The following EPC2 variants were observed in gnomAD, a reference collection of about 807,000 sequenced individuals.
EPC2 encodes enhancer of polycomb 2.
A neutral mutation model predicts 92.1 loss-of-function variants in EPC2; 14 were observed. The ratio of observed to expected loss-of-function variants is 0.15; its 90% CI spans 0.10 to 0.24. The LOEUF (loss-of-function observed/expected upper bound fraction) is 0.24, where lower values mean the gene tolerates loss of function less well. EPC2 is among the 10% of genes least tolerant of loss of function. The probability of loss-of-function intolerance (pLI) is 1.00; values close to 1 mark genes in which losing one functional copy is unlikely to be tolerated. For missense variants in EPC2, 755 were observed against 971.5 expected (o/e 0.78, Z 2.96); for synonymous variants, 340 against 334.7 (o/e 1.02, Z -0.17).
At chr2:148,727,117 A>G (rs948057963) in intron 2 of EPC2, among the ~76,000 whole-genome samples, 2 of 152,156 alleles carry the variant, frequency 1.3e-5, no homozygotes, top group Non-Finnish European at 1.5e-5. Context: ...TATATGCTAT[A>G]AGGTAAGGAT....
chr2:148,741,557 C>T (rs1341658022), intron 2 of EPC2, among the ~76,000 whole-genome samples: 1 of 151,996 alleles, frequency 6.6e-6, no homozygotes, highest in East Asian at 1.9e-4. Flanking sequence ...TTGTTAGTAC[C>T]TTTAAGAAAG....
chr2:148,678,473 C>G (rs941501864), intron 1 of EPC2, among the ~76,000 whole-genome samples: 1 of 152,234 alleles, frequency 6.6e-6, no homozygotes, highest in East Asian at 1.9e-4. Flanking sequence ...TGAGGAGGCT[C>G]GGGCTGCGCA....
At chr2:148,728,465 T>C (rs1208066009) in intron 2 of EPC2, among the ~76,000 whole-genome samples, 2 of 152,104 alleles carry the variant, frequency 1.3e-5, no homozygotes, top group Non-Finnish European at 2.9e-5. Flanking sequence ...AACTTAAGGC[T>C]GGGCACATTG....
intron 2 of EPC2, among the ~76,000 whole-genome samples, chr2:148,715,143 C>T (rs1682232426): frequency 6.7e-6 from 1 of 149,542 alleles, no homozygotes; most frequent in Admixed American, 6.7e-5. Context: ...ACACCATTTT[C>T]CTGCCTCAGC....
rs1683129187 is a variant in EPC2, at chr2:148,754,030, C to T, written c.563C>T (p.Pro188Leu). Residue 188 changes from proline (P) to leucine (L), a missense_variant, in exon 4 of 14, where the codon CCA becomes CTA. Physicochemically the swap from Pro to Leu is moderately conservative, Grantham distance 98. Transcript: ENST00000258484. ...WVRKRKNCRG[P>L]SLIPQIKQEK... ...AGAAAACGTAAAAACTGCAGGGGGC[C>T]ATCCCTCATTCCTCAGATAAAACAA... 1.2e-6 allele frequency: 2 copies of T among 1,611,540 alleles called. No homozygotes were observed. Among genetic ancestry groups the T allele is most frequent in the Non-Finnish European group, 1.7e-6 (2 of 1,178,792 alleles).
chr2:148,771,472 T>C, intron 10 of EPC2, 85 bp downstream of exon 10: 4 of 1,296,186 alleles, frequency 3.1e-6, no homozygotes, highest in Non-Finnish European at 4.3e-6. Flanking sequence ...TTAACCTACT[T>C]AATTTTTTTT....
At chr2:148,652,104 T>C (rs1680699471) in intron 1 of EPC2, among the ~76,000 whole-genome samples, 1 of 152,186 alleles carries the variant, frequency 6.6e-6, no homozygotes, top group Non-Finnish European at 1.5e-5. Flanking sequence ...TAGAGAGCGT[T>C]ATTGGTCTGG....
chr2:148,655,111 C>G (rs756800053), intron 1 of EPC2, among the ~76,000 whole-genome samples: 60 of 152,124 alleles, frequency 3.9e-4, no homozygotes, highest in Non-Finnish European at 6.2e-4. Flanking sequence ...TCAACTGGGG[C>G]ACTATTAGCA....
At chr2:148,680,085 G>GC (rs755470835) in intron 1 of EPC2, among the ~76,000 whole-genome samples, 108 of 145,518 alleles carry the variant, frequency 7.4e-4, no homozygotes, top group Middle Eastern at 3.6e-3. Flanking sequence ...CTTTTCTCAA[G>GC]CCCCTTTTTT....
intron 1 of EPC2, among the ~76,000 whole-genome samples, chr2:148,651,669 A>G (rs778844431): frequency 2.6e-5 from 4 of 152,172 alleles, no homozygotes; most frequent in Admixed American, 2.0e-4. Context: ...TTAAATGGCC[A>G]TATAATTTGG....
In EPC2 at chr2:148,712,069, A is replaced by T. The variant is rs974410309; in HGVS notation, c.313+21696A>T. ...ATTTAGACCATTGATATTTAAAGTG[A>T]TTATTGATTTCCTTGGATTAATATC... On this transcript the variant is annotated intron_variant, in intron 2 of 13. Coordinates refer to ENST00000258484, the MANE Select transcript of EPC2 (RefSeq NM_015630.4). Among the ~76,000 whole-genome samples the T allele has an allele frequency of 3.9e-5, 6 of 152,242 alleles. No homozygotes were observed. In the East Asian group the frequency reaches 9.6e-4, roughly 24 times the overall value.
chr2:148,698,846 AAAAAG>A (rs1216672231), intron 2 of EPC2, among the ~76,000 whole-genome samples: 8 of 150,714 alleles, frequency 5.3e-5, no homozygotes, highest in African/African-American at 1.9e-4. Flanking sequence ...TTTTTTAAAA[AAAAAG>A]CATTATACTC....
At position 148,762,231 on chromosome 2, in the gene EPC2, G is replaced by T. The variant is rs896327529; in HGVS notation, c.815+301G>T. The T allele has an allele frequency of 3.6e-5, 7 of 193,424 alleles. No homozygotes were observed. In the Admixed American group the frequency reaches 4.2e-4, roughly 12 times the overall value. 12.0% of individuals were successfully genotyped at this position (193,424 alleles called of 1,614,324 possible). On this transcript the variant is annotated intron_variant, in intron 5 of 13. Coordinates refer to ENST00000258484, the MANE Select transcript of EPC2 (RefSeq NM_015630.4). ...TAGTGATCATATTGTTTACTTCTCT[G>T]TATTAAATTTTCTATTAAATCTGAG...
intron 1 of EPC2, among the ~76,000 whole-genome samples, chr2:148,668,024 A>G (rs1681086725): frequency 6.6e-6 from 1 of 151,746 alleles, no homozygotes; most frequent in Non-Finnish European, 1.5e-5. Context: ...TCAGTCTCCC[A>G]AGTAGCTGGG....
rs1268909017 is a variant in EPC2, at chr2:148,765,157, T to A, written c.1140+11T>A. Reference sequence around the variant, plus strand: ...GATGAATTTCCACAGGTGCTTGTTTTAAAATATTTTAAAGATATTTCTTCT... The same window carrying A: ...GATGAATTTCCACAGGTGCTTGTTTAAAAATATTTTAAAGATATTTCTTCT... On this transcript the variant is annotated intron_variant, in intron 7 of 13. Coordinates refer to ENST00000258484, the MANE Select transcript of EPC2 (RefSeq NM_015630.4). 1 of 1,508,980 alleles carries A rather than the reference T, an allele frequency of 6.6e-7. No homozygotes were observed. The highest frequency in any genetic ancestry group is 2.4e-5 in the East Asian group (1 of 42,502). The allele number at this position is 1,508,980 out of a possible 1,614,324, so 93.5% of individuals were successfully genotyped here. A position where few individuals can be genotyped will look rare whatever the true frequency, so the allele number is the denominator to read the frequency against.
chr2:148,720,515 G>A (rs897053380), intron 2 of EPC2, among the ~76,000 whole-genome samples: 2 of 152,184 alleles, frequency 1.3e-5, no homozygotes, highest in African/African-American at 4.8e-5. Flanking sequence ...ACGTTTGTTG[G>A]AGATCCCGGT....
chr2:148,649,313 G>A (rs1680613144), intron 1 of EPC2, among the ~76,000 whole-genome samples: 1 of 152,086 alleles, frequency 6.6e-6, no homozygotes, highest in Admixed American at 6.5e-5. Flanking sequence ...TTCCAACATT[G>A]GAGAAGTTCC....
At chr2:148,739,833 C>CTTTTTT (rs144868417) in intron 2 of EPC2, among the ~76,000 whole-genome samples, 528 of 81,222 alleles carry the variant, frequency 6.5e-3, no homozygotes, top group Non-Finnish European at 7.4e-3. Context: ...TCTTCTTCTT[C>CTTTTTT]TTTTTTTTTT....
chr2:148,719,568 G>T (rs995089887), intron 2 of EPC2, among the ~76,000 whole-genome samples: 3 of 152,114 alleles, frequency 2.0e-5, no homozygotes, highest in Admixed American at 1.3e-4. Flanking sequence ...CACCAGTGAC[G>T]CCTGCAAAAC....
Sources: gnomAD v4.1 joint callset for allele counts (sites outside exome capture counted in the v4.1 genomes callset) on GRCh38, gnomAD v4.1.1 for gene constraint, MANE v1.5 for transcripts, NCBI Gene and HGNC (gene_info 2026-07-23, HGNC 2026-07-21) for gene names.